TYW1B: variants seen among roughly 807,000 people sequenced by gnomAD.
The protein encoded by TYW1B is S-adenosyl-L-methionine-dependent tRNA 4-demethylwyosine synthase TYW1B.
TYW1B carries 73 observed loss-of-function variants against 86.9 expected under a neutral mutation model. The observed-to-expected ratio is 0.84, with a 90% confidence interval of 0.70 to 1.02. The LOEUF is 1.02. Among genes scored for constraint, TYW1B ranks in the 50% least tolerant of loss-of-function variants. TYW1B has a pLI of 0.00. For synonymous variants in TYW1B, 248 were observed against 292.8 expected (o/e 0.85, Z 1.56); for missense variants, 637 against 827.4 (o/e 0.77, Z 2.82).
chr7:72,727,358 G>A (rs1787019091), intron 9 of TYW1B, among the ~76,000 whole-genome samples: 1 of 152,124 alleles, frequency 6.6e-6, no homozygotes, highest in Non-Finnish European at 1.5e-5. Flanking sequence ...CAGGAGAGAA[G>A]GAGTCACCAG....
At chr7:72,688,040 T>G (rs1814051217) in intron 11 of TYW1B, among the ~76,000 whole-genome samples, 1 of 152,052 alleles carries the variant, frequency 6.6e-6, no homozygotes, top group Non-Finnish European at 1.5e-5. Flanking sequence ...TAATAATAAT[T>G]AATAACATAT....
chr7:72,654,867 A>C (rs1401009804), intron 11 of TYW1B, among the ~76,000 whole-genome samples: 3 of 152,134 alleles, frequency 2.0e-5, no homozygotes, highest in East Asian at 1.9e-4. Context: ...GGTGACAGAG[A>C]GAGACTCCAT....
intron 13 of TYW1B, among the ~76,000 whole-genome samples, chr7:72,611,688 C>G (rs1585846847): frequency 6.6e-6 from 1 of 152,276 alleles, no homozygotes; most frequent in Non-Finnish European, 1.5e-5. Flanking sequence ...GTTTACTCAT[C>G]TTTGTATTCT....
In TYW1B at chr7:72,826,833, T is replaced by TA. The variant is rs781921065; in HGVS notation, c.135+21dup. On this transcript the variant is annotated intron_variant, in intron 2 of 13. Transcript: ENST00000620995. Reference sequence around the variant, plus strand: ...AAAATCTGATGCCTAAATACTCTATTAAAAAAAATAACTCCACTTACCTGC... The same window carrying TA: ...AAAATCTGATGCCTAAATACTCTATTAAAAAAAAATAACTCCACTTACCTGC... The TA allele has an allele frequency of 1.2e-5, 19 of 1,603,642 alleles. No individual in the cohort carries two copies. The African/African-American group carries it at 1.6e-4, about 14-fold the overall frequency.
intron 1 of TYW1B, among the ~76,000 whole-genome samples, chr7:72,827,841 G>C (rs1413936113): frequency 2.6e-5 from 4 of 152,166 alleles, no homozygotes; most frequent in Non-Finnish European, 5.9e-5. Context: ...AATACACGTG[G>C]GTAAAGTGGG....
intron 6 of TYW1B, among the ~76,000 whole-genome samples, chr7:72,786,573 C>CTTTTTTT (rs10630508): frequency 1.0e-4 from 11 of 107,444 alleles, no homozygotes; most frequent in East Asian, 4.8e-4. Flanking sequence ...ATTCTTTTTT[C>CTTTTTTT]TTTTTTTTTT....
intron 13 of TYW1B, among the ~76,000 whole-genome samples, chr7:72,614,632 T>TAAAAAAAAAA (rs34879859): frequency 7.5e-6 from 1 of 133,006 alleles, no homozygotes. Context: ...GACTCCATCT[T>TAAAAAAAAAA]AAAAAAAAAA....
At chr7:72,763,561 C>T (rs539233052) in intron 7 of TYW1B, among the ~76,000 whole-genome samples, 16 of 152,230 alleles carry the variant, frequency 1.1e-4, no homozygotes, top group African/African-American at 3.9e-4. Context: ...GGATTACAGG[C>T]GTAAGCCACC....
At chr7:72,793,900 G>T (rs571389268) in intron 6 of TYW1B, among the ~76,000 whole-genome samples, 51 of 152,236 alleles carry the variant, frequency 3.4e-4, no homozygotes, top group African/African-American at 1.2e-3. Context: ...AAAGAGAGAG[G>T]CTAGAGGGAG....
chr7:72,677,844 G>C (rs1404999864), intron 11 of TYW1B, among the ~76,000 whole-genome samples: 2 of 152,124 alleles, frequency 1.3e-5, no homozygotes, highest in East Asian at 3.9e-4. Flanking sequence ...TGGAATTACA[G>C]GTGCCTGCCA....
chr7:72,783,813 G>A (rs1487539596), intron 6 of TYW1B, among the ~76,000 whole-genome samples: 1 of 152,174 alleles, frequency 6.6e-6, no homozygotes, highest in African/African-American at 2.4e-5. Context: ...CAGAGACCAT[G>A]GTGAGTCAAG....
chr7:72,685,468 G>A (rs1430145419), intron 11 of TYW1B, among the ~76,000 whole-genome samples: 2 of 152,090 alleles, frequency 1.3e-5, no homozygotes, highest in Non-Finnish European at 2.9e-5. Flanking sequence ...CAGACAAATA[G>A]ACCAAAGGAA....
At chr7:72,730,961 CATT>C (rs769049684) in intron 8 of TYW1B, among the ~76,000 whole-genome samples, 17 of 139,910 alleles carry the variant, frequency 1.2e-4, no homozygotes, top group Non-Finnish European at 2.5e-4. Flanking sequence ...CCTTGAGACA[CATT>C]ATAGTCAAAC....
intron 11 of TYW1B, among the ~76,000 whole-genome samples, chr7:72,632,346 TTA>T (rs1315850269): frequency 5.8e-5 from 6 of 103,592 alleles, no homozygotes; most frequent in African/African-American, 2.8e-4. Flanking sequence ...CGTATATATA[TTA>T]TATATATTAT....
chr7:72,814,149 T>G (rs1396782529), intron 3 of TYW1B, among the ~76,000 whole-genome samples: 1 of 152,116 alleles, frequency 6.6e-6, no homozygotes, highest in African/African-American at 2.4e-5. Flanking sequence ...CATAGCACAC[T>G]GCCATCAATA....
intron 13 of TYW1B, among the ~76,000 whole-genome samples, chr7:72,602,513 G>C (rs1191931254): frequency 1.3e-5 from 2 of 152,114 alleles, no homozygotes; most frequent in South Asian, 2.1e-4. Context: ...CCAACAATGA[G>C]CATACCTTCC....
intron 5 of TYW1B, among the ~76,000 whole-genome samples, chr7:72,805,710 G>A (rs1554476556): frequency 1.3e-5 from 2 of 152,136 alleles, no homozygotes; most frequent in African/African-American, 2.4e-5. Context: ...CCTATGTAAG[G>A]GAGAGACCAA....
At chr7:72,579,223 T>C (rs1811093063) in intron 13 of TYW1B, among the ~76,000 whole-genome samples, 2 of 152,222 alleles carry the variant, frequency 1.3e-5, no homozygotes, top group Non-Finnish European at 2.9e-5. Flanking sequence ...TCACTTCTAA[T>C]GCAGTTTGAA....
intron 7 of TYW1B, among the ~76,000 whole-genome samples, chr7:72,768,399 T>G (rs1787809820): frequency 6.6e-6 from 1 of 152,146 alleles, no homozygotes; most frequent in South Asian, 2.1e-4. Flanking sequence ...ACAATATGTT[T>G]ATCTAATTTC....
Sources: gnomAD v4.1 joint callset for allele counts (sites outside exome capture counted in the v4.1 genomes callset) on GRCh38, gnomAD v4.1.1 for gene constraint, MANE v1.5 for transcripts, NCBI Gene and HGNC (gene_info 2026-07-23, HGNC 2026-07-21) for gene names.